GFRA1: variants seen among roughly 807,000 people sequenced by gnomAD.
GFRA1 encodes the protein GDNF family receptor alpha 1, also known as GDNF family receptor alpha-1.
Under a neutral mutation model 51.6 loss-of-function variants are expected in GFRA1, and 16 were observed. The observed-to-expected ratio is 0.31, with a 90% CI of 0.21 to 0.47. GFRA1 has a LOEUF of 0.47. Among genes scored for constraint, GFRA1 ranks in the 20% least tolerant of loss-of-function variants. The pLI is 1.00. For synonymous variants in GFRA1, 270 were observed against 241.3 expected (o/e 1.12, Z -1.10); for missense variants, 530 against 594.3 (o/e 0.89, Z 1.13).
At chr10:116,233,177 A>C (rs758408869) in intron 4 of GFRA1, among the ~76,000 whole-genome samples, 6 of 151,928 alleles carry the variant, frequency 3.9e-5, no homozygotes, top group Non-Finnish European at 8.8e-5. Context: ...AAATACAAAA[A>C]ATTAGCTGGG....
chr10:116,063,047 C>G lies in GFRA1; in HGVS notation c.*1351G>C, dbSNP rs1783966401. 1 of 152,196 alleles carries G rather than the reference C, an allele frequency of 6.6e-6. No individual in the cohort carries two copies. The highest frequency in any genetic ancestry group is 2.4e-5 in the African/African-American group (1 of 41,432). The allele number at this position is 152,196 out of a possible 1,614,324, so 9.4% of individuals were successfully genotyped here. On this transcript the variant is annotated 3_prime_UTR_variant, in exon 11 of 11. Transcript: ENST00000355422. ...AGACCAAACTGCTCCAAACAGTGGCCAAGACGTTGCAGTCAGGAGTAAACA... is the reference window on the plus strand; with the variant it reads ...AGACCAAACTGCTCCAAACAGTGGCGAAGACGTTGCAGTCAGGAGTAAACA...
chr10:116,253,556 C>G (rs376884624), intron 4 of GFRA1, among the ~76,000 whole-genome samples: 6 of 151,902 alleles, frequency 3.9e-5, no homozygotes, highest in African/African-American at 1.4e-4. Flanking sequence ...TGCAGTGAGC[C>G]AAGATCGCAC....
intron 9 of GFRA1, among the ~76,000 whole-genome samples, chr10:116,088,188 A>C (rs543409930): frequency 1.6e-4 from 24 of 152,136 alleles, no homozygotes; most frequent in Non-Finnish European, 2.9e-4. Context: ...CAAGCAAATC[A>C]AAACAAGTTT....
intron 4 of GFRA1, among the ~76,000 whole-genome samples, chr10:116,238,796 CA>C (rs1967112108): frequency 6.6e-6 from 1 of 152,120 alleles, no homozygotes; most frequent in South Asian, 2.1e-4. Context: ...ACATGCAAAA[CA>C]AATGGTCATT....
At chr10:116,070,760 T>TG (rs1955347942) in intron 9 of GFRA1, among the ~76,000 whole-genome samples, 1 of 106,604 alleles carries the variant, frequency 9.4e-6, no homozygotes, top group Non-Finnish European at 1.7e-5. Flanking sequence ...GTCTGGAGCC[T>TG]TTTTTTTTTT....
At chr10:116,093,304 G>T (rs1003454200) in intron 8 of GFRA1, among the ~76,000 whole-genome samples, 1 of 152,100 alleles carries the variant, frequency 6.6e-6, no homozygotes, top group Non-Finnish European at 1.5e-5. Context: ...TGTATATTCC[G>T]CCCAGGTTTC....
chr10:116,104,124 G>T (rs1219630459), intron 6 of GFRA1, among the ~76,000 whole-genome samples: 1 of 152,178 alleles, frequency 6.6e-6, no homozygotes, highest in African/African-American at 2.4e-5. Context: ...CTTAACACAG[G>T]TTCCCACTGG....
intron 9 of GFRA1, among the ~76,000 whole-genome samples, chr10:116,074,571 C>A (rs1955535487): frequency 6.6e-6 from 1 of 152,206 alleles, no homozygotes. Flanking sequence ...GAGGTTTCTG[C>A]TCCTCCAAGA....
chr10:116,215,338 A>G (rs1245612504), intron 4 of GFRA1, among the ~76,000 whole-genome samples: 1 of 152,198 alleles, frequency 6.6e-6, no homozygotes, highest in African/African-American at 2.4e-5. Flanking sequence ...AGCCATTGAA[A>G]TATTCCTACC....
intron 5 of GFRA1, among the ~76,000 whole-genome samples, chr10:116,195,401 TG>T (rs1963645639): frequency 6.6e-6 from 1 of 152,218 alleles, no homozygotes; most frequent in Non-Finnish European, 1.5e-5. Flanking sequence ...ATAGGTTTCG[TG>T]GAAGACAACT....
intron 6 of GFRA1, among the ~76,000 whole-genome samples, chr10:116,107,075 CCTTTT>C (rs1957035045): frequency 6.6e-6 from 1 of 152,156 alleles, no homozygotes; most frequent in Non-Finnish European, 1.5e-5. Context: ...CAATTAAACC[CCTTTT>C]CTTTATAAAT....
At chr10:116,228,651 G>C (rs917284589) in intron 4 of GFRA1, among the ~76,000 whole-genome samples, 1 of 152,126 alleles carries the variant, frequency 6.6e-6, no homozygotes, top group East Asian at 1.9e-4. Context: ...ATGCTGTGTT[G>C]CTGACTTTGA....
In GFRA1 at chr10:116,195,161, G is replaced by A. The variant is rs569497081; in HGVS notation, c.433+16470C>T. ...ATGTTTTCTTTTCCTTCATGGCCAA[G>A]TATAGAAAAACCTCCCCCATTGAGC... On this transcript the variant is annotated intron_variant, in intron 5 of 10. Transcript: ENST00000355422. Among the ~76,000 whole-genome samples, 42 of 152,280 alleles carry A rather than the reference G, an allele frequency of 2.8e-4. 1 individual carries two copies. The highest frequency in any genetic ancestry group is 8.7e-4 in the African/African-American group (36 of 41,562).
intron 5 of GFRA1, among the ~76,000 whole-genome samples, chr10:116,157,635 C>T (rs1412629824): frequency 6.6e-6 from 1 of 152,196 alleles, no homozygotes; most frequent in Non-Finnish European, 1.5e-5. Flanking sequence ...CACCAATCCA[C>T]CCTCTCCTCC....
chr10:116,247,409 A>G (rs1219568924), intron 4 of GFRA1, among the ~76,000 whole-genome samples: 1 of 152,214 alleles, frequency 6.6e-6, no homozygotes, highest in East Asian at 1.9e-4. Context: ...TGAGATCATG[A>G]CATTGTCTTC....
At chr10:116,143,305 TG>T (rs2134101473) in intron 5 of GFRA1, among the ~76,000 whole-genome samples, 1 of 149,382 alleles carries the variant, frequency 6.7e-6, no homozygotes, top group East Asian at 2.0e-4. Flanking sequence ...TCAAACAAAC[TG>T]GAACTGTCAG....
intron 5 of GFRA1, among the ~76,000 whole-genome samples, chr10:116,158,500 C>A (rs1216644793): frequency 6.6e-6 from 1 of 152,308 alleles, no homozygotes; most frequent in South Asian, 2.1e-4. Context: ...TTGCTCTATG[C>A]AACCTAGAAT....
At chr10:116,229,206 A>G (rs1470286302) in intron 4 of GFRA1, among the ~76,000 whole-genome samples, 1 of 152,138 alleles carries the variant, frequency 6.6e-6, no homozygotes, top group Non-Finnish European at 1.5e-5. Context: ...TTGCAGAAGC[A>G]GTAGGAAATT....
At chr10:116,247,457 T>C (rs1967959500) in intron 4 of GFRA1, among the ~76,000 whole-genome samples, 1 of 152,232 alleles carries the variant, frequency 6.6e-6, no homozygotes, top group African/African-American at 2.4e-5. Context: ...TTCTCATTAG[T>C]TTTGGAACAA....
Sources: allele counts gnomAD v4.1 joint callset (sites outside exome capture counted in the v4.1 genomes callset), GRCh38; gene constraint gnomAD v4.1.1; transcripts MANE v1.5; gene names NCBI Gene and HGNC (gene_info 2026-07-23, HGNC 2026-07-21).